MED27: variants seen among roughly 807,000 people sequenced by gnomAD.
The protein encoded by MED27 is mediator complex subunit 27, also known as mediator of RNA polymerase II transcription subunit 27.
In MED27, 30 loss-of-function variants were observed where a neutral mutation model predicts 38.2. That is an observed-to-expected ratio of 0.79 (90% CI 0.59 to 1.07). The LOEUF (loss-of-function observed/expected upper bound fraction) is 1.07, where lower values mean the gene tolerates loss of function less well. Ranked by LOEUF, MED27 falls within the 50% of genes least tolerant of loss-of-function variation. MED27 has a pLI of 0.00. For missense variants in MED27, 289 were observed against 397.5 expected (o/e 0.73, Z 2.32); for synonymous variants, 122 against 153.5 (o/e 0.79, Z 1.52).
intron 3 of MED27, among the ~76,000 whole-genome samples, chr9:131,956,930 C>G (rs1175981907): frequency 2.6e-5 from 4 of 151,898 alleles, no homozygotes; most frequent in Non-Finnish European, 5.9e-5. Context: ...AATCTTCAGG[C>G]CAGTAAGCAC....
Position 131,884,700 on chromosome 9 carries a change from C to T in MED27, c.682-601G>A, listed in dbSNP as rs143192547. ...TCAGCTCACTGCAACCTGCATCTCC[C>T]GGGTTCAAGTGATTCTCCTGCTTCA... On this transcript the variant is annotated intron_variant, in intron 5 of 7. Coordinates refer to ENST00000292035, the MANE Select transcript of MED27 (RefSeq NM_004269.4). Among the ~76,000 whole-genome samples the T allele has an allele frequency of 3.0e-3, 460 of 151,376 alleles. 4 individuals carry two copies. The highest frequency in any genetic ancestry group is 3.0e-3 in the African/African-American group (122 of 41,172).
chr9:132,037,785 T>C (rs1295503886), intron 2 of MED27, among the ~76,000 whole-genome samples: 5 of 152,118 alleles, frequency 3.3e-5, no homozygotes, highest in Admixed American at 6.5e-5. Flanking sequence ...CGGGCAGCTG[T>C]AGACTGGGAA....
At chr9:131,925,358 C>G (rs1169176447) in intron 4 of MED27, among the ~76,000 whole-genome samples, 1 of 152,090 alleles carries the variant, frequency 6.6e-6, no homozygotes, top group African/African-American at 2.4e-5. Flanking sequence ...GGTGTCTTTC[C>G]CCTCAAGCAT....
intron 5 of MED27, among the ~76,000 whole-genome samples, chr9:131,892,424 A>G (rs528727820): frequency 6.6e-6 from 1 of 152,204 alleles, no homozygotes; most frequent in Non-Finnish European, 1.5e-5. Flanking sequence ...GGTATCATGC[A>G]AAGTAGGTAA....
At chr9:131,898,527 T>C (rs1044392816) in intron 4 of MED27, among the ~76,000 whole-genome samples, 2 of 151,230 alleles carry the variant, frequency 1.3e-5, no homozygotes, top group African/African-American at 4.9e-5. Flanking sequence ...ATTCTTATTT[T>C]TTATAGAGCC....
chr9:131,893,975 C>T lies in MED27; in HGVS notation c.591G>A (p.Val197=), dbSNP rs1045614673. 7 of 1,614,142 alleles carry T rather than the reference C, an allele frequency of 4.3e-6. No homozygotes were observed. Among genetic ancestry groups the T allele is most frequent in the Non-Finnish European group, 5.9e-6 (7 of 1,179,986 alleles). Residue 197 remains valine, a synonymous_variant, in exon 5 of 8, where the codon GTG becomes GTA. Transcript: ENST00000292035. The stretch of plus-strand genomic sequence containing the variant: ...TCCGCATGACGACGATCACTTTCAA[C>T]ACCTTTCCCAAGGTCACCTGCCAAA... ...SAMLLVTLGK[V]LKVIVVMRSL...
chr9:132,007,989 T>G (rs1832394235), intron 3 of MED27, among the ~76,000 whole-genome samples: 1 of 152,186 alleles, frequency 6.6e-6, no homozygotes, highest in Admixed American at 6.5e-5. Flanking sequence ...AATGTAAGCT[T>G]TCTGAAAAAC....
intron 4 of MED27, among the ~76,000 whole-genome samples, chr9:131,916,143 A>G (rs1220406212): frequency 6.6e-6 from 1 of 152,232 alleles, no homozygotes; most frequent in Non-Finnish European, 1.5e-5. Flanking sequence ...TTTTATCTCA[A>G]TGTATAAACA....
chr9:132,004,880 G>A (rs1832324385), intron 3 of MED27, among the ~76,000 whole-genome samples: 1 of 152,184 alleles, frequency 6.6e-6, no homozygotes, highest in Non-Finnish European at 1.5e-5. Flanking sequence ...TCAACCAACA[G>A]TGCACAGTCA....
intron 2 of MED27, among the ~76,000 whole-genome samples, chr9:132,022,123 C>T (rs996693687): frequency 2.6e-5 from 4 of 152,162 alleles, no homozygotes; most frequent in South Asian, 2.1e-4. Context: ...TATTGACAGG[C>T]GGTGACAATG....
chr9:131,919,460 A>AT (rs5900963), intron 4 of MED27, among the ~76,000 whole-genome samples: 13,775 of 150,086 alleles, frequency 0.092, 1,078 homozygotes, highest in East Asian at 0.38. Context: ...GCTTCAAGTG[A>AT]TTTTTTTTTT....
chr9:131,929,445 T>G (rs1830539731), intron 4 of MED27, among the ~76,000 whole-genome samples: 1 of 152,050 alleles, frequency 6.6e-6, no homozygotes, highest in African/African-American at 2.4e-5. Flanking sequence ...AGGCCTAGGC[T>G]CTTAGATGGT....
In MED27 at chr9:131,917,790, G is replaced by A. The variant is rs1219117783; in HGVS notation, c.573+21591C>T. Among the ~76,000 whole-genome samples, 3 of 152,108 alleles carry A rather than the reference G, an allele frequency of 2.0e-5. No homozygotes were observed. The highest frequency in any genetic ancestry group is 1.3e-4 in the Admixed American group (2 of 15,280). ...GAGACAAGTTGCAAGGGATCCAAAG[G>A]GTGTAGGATAAGCGTAAGACAAGTA... is the stretch of plus-strand genomic sequence containing the variant. On this transcript the variant is annotated intron_variant, in intron 4 of 7. Transcript: ENST00000292035. This position sits in a 1 kb window ranked among gnomAD's most constrained non-coding sequence, Gnocchi z 4.6.
intron 4 of MED27, among the ~76,000 whole-genome samples, chr9:131,895,859 C>G (rs1829823549): frequency 6.6e-6 from 1 of 151,014 alleles, no homozygotes; most frequent in Non-Finnish European, 1.5e-5. Flanking sequence ...CAACATGGAG[C>G]CTACTGGAAG....
At chr9:131,989,833 A>C (rs941423977) in intron 3 of MED27, among the ~76,000 whole-genome samples, 1 of 152,036 alleles carries the variant, frequency 6.6e-6, no homozygotes, top group African/African-American at 2.4e-5. Flanking sequence ...CAATTCGCCT[A>C]TAACCTACAG....
At chr9:132,018,973 A>G (rs1278109211) in intron 2 of MED27, among the ~76,000 whole-genome samples, 1 of 152,176 alleles carries the variant, frequency 6.6e-6, no homozygotes, top group African/African-American at 2.4e-5. Context: ...CATAGAATTA[A>G]GTTATAATAA....
intron 3 of MED27, among the ~76,000 whole-genome samples, chr9:131,994,431 G>C (rs574161183): frequency 4.6e-5 from 7 of 152,286 alleles, no homozygotes; most frequent in African/African-American, 1.4e-4. Context: ...CAATGGCAGA[G>C]ATTAGTGCCA....
intron 4 of MED27, among the ~76,000 whole-genome samples, chr9:131,925,885 T>C (rs115111532): frequency 1.3e-5 from 2 of 152,348 alleles, no homozygotes; most frequent in African/African-American, 4.8e-5. Context: ...TAAACCAATA[T>C]GAAAGGGCCA....
At chr9:132,063,113 T>C (rs1833735382) in intron 2 of MED27, among the ~76,000 whole-genome samples, 1 of 152,196 alleles carries the variant, frequency 6.6e-6, no homozygotes, top group Non-Finnish European at 1.5e-5. Flanking sequence ...AACTCATTAG[T>C]ATCATCTGAG....
Sources: allele counts gnomAD v4.1 joint callset (sites outside exome capture counted in the v4.1 genomes callset), GRCh38; gene constraint gnomAD v4.1.1; non-coding constraint Gnocchi (gnomAD v3.1); transcripts MANE v1.5; gene names NCBI Gene and HGNC (gene_info 2026-07-23, HGNC 2026-07-21).